CSMD1: variants seen among roughly 807,000 people sequenced by gnomAD.
CSMD1 encodes the protein CUB and sushi domain-containing protein 1.
A neutral mutation model predicts 417.5 loss-of-function variants in CSMD1; 213 were observed. The ratio of observed to expected loss-of-function variants is 0.51; its 90% CI spans 0.46 to 0.57. The LOEUF (loss-of-function observed/expected upper bound fraction) is 0.57. Ranked by LOEUF, CSMD1 falls within the 20% of genes least tolerant of loss-of-function variation. The pLI is 0.00. For synonymous variants in CSMD1, 2,862 were observed against 1,736.8 expected (o/e 1.65, Z -16.11); for missense variants, 6,923 against 4,529.7 (o/e 1.53, Z -15.17).
chr8:3,258,865 T>G (rs1160874714), intron 26 of CSMD1, among the ~76,000 whole-genome samples: 2 of 152,230 alleles, frequency 1.3e-5, no homozygotes, highest in African/African-American at 4.8e-5. Flanking sequence ...ACTGCATGTT[T>G]TCATTTATAA....
chr8:3,819,075 T>C (rs529301801), intron 5 of CSMD1, among the ~76,000 whole-genome samples: 7 of 152,294 alleles, frequency 4.6e-5, no homozygotes, highest in East Asian at 3.9e-4. Context: ...CACAGCTTCA[T>C]AGCTTAAGGC....
intron 5 of CSMD1, among the ~76,000 whole-genome samples, chr8:3,906,013 T>G (rs114165983): frequency 0.012 from 1,863 of 152,310 alleles, 42 homozygotes; most frequent in African/African-American, 0.042. Flanking sequence ...GGAGTTCTTT[T>G]TATTTTCCCC....
intron 1 of CSMD1, among the ~76,000 whole-genome samples, chr8:4,889,470 T>TA (rs1347655996): frequency 6.6e-6 from 1 of 152,110 alleles, no homozygotes; most frequent in Non-Finnish European, 1.5e-5. Context: ...GGCCATTTTT[T>TA]ATTAACATTA....
intron 1 of CSMD1, among the ~76,000 whole-genome samples, chr8:4,783,448 G>T (rs1221231840): frequency 6.6e-6 from 1 of 152,200 alleles, no homozygotes; most frequent in Admixed American, 6.5e-5. Context: ...TTGGTAATCT[G>T]CTGCCCTGGT....
chr8:4,218,436 T>G (rs1800817784), intron 3 of CSMD1, among the ~76,000 whole-genome samples: 1 of 152,230 alleles, frequency 6.6e-6, no homozygotes, highest in South Asian at 2.1e-4. Flanking sequence ...CCTACTTTTA[T>G]TCTGCCATGC....
intron 3 of CSMD1, among the ~76,000 whole-genome samples, chr8:4,364,420 C>G (rs1046918674): frequency 6.6e-6 from 1 of 152,132 alleles, no homozygotes; most frequent in East Asian, 1.9e-4. Flanking sequence ...CTAGTCCATA[C>G]AAGATTCATT....
intron 3 of CSMD1, among the ~76,000 whole-genome samples, chr8:4,350,374 T>C (rs570752212): frequency 1.2e-4 from 19 of 152,212 alleles, no homozygotes; most frequent in African/African-American, 1.7e-4. Context: ...AAAATCAAAA[T>C]AGTGTTATAA....
chr8:4,182,284 A>C (rs767649668), intron 3 of CSMD1, among the ~76,000 whole-genome samples: 17 of 152,156 alleles, frequency 1.1e-4, no homozygotes, highest in Non-Finnish European at 1.8e-4. Flanking sequence ...TTTGTTTAAA[A>C]GAGGGTAAAG....
At chr8:4,255,659 G>C (rs1236999147) in intron 3 of CSMD1, among the ~76,000 whole-genome samples, 2 of 152,126 alleles carry the variant, frequency 1.3e-5, no homozygotes, top group African/African-American at 4.8e-5. Flanking sequence ...TTTGGACTTT[G>C]CTAATATGTA....
At position 3,162,105 on chromosome 8, in the gene CSMD1, C is replaced by A. The variant is rs1039743314; in HGVS notation, c.5844+54G>T. ...AGTGAGGGCTTTGGCTTTAAGAGAGCTGCACAAAGATGACCATGTGTATGT... is the reference window on the plus strand; with the variant it reads ...AGTGAGGGCTTTGGCTTTAAGAGAGATGCACAAAGATGACCATGTGTATGT... On this transcript the variant is annotated intron_variant, in intron 38 of 69. Transcript: ENST00000635120. 10 of 1,160,692 alleles carry A rather than the reference C, an allele frequency of 8.6e-6. No homozygotes were observed. The East Asian group carries it at 1.8e-4, about 21-fold the overall frequency. 71.9% of individuals were successfully genotyped at this position (1,160,692 alleles called of 1,614,324 possible).
At chr8:4,375,621 G>T (rs1271705148) in intron 3 of CSMD1, among the ~76,000 whole-genome samples, 1 of 152,084 alleles carries the variant, frequency 6.6e-6, no homozygotes, top group African/African-American at 2.4e-5. Flanking sequence ...ACAGCCACGT[G>T]GAATTGTGGC....
At chr8:4,029,688 A>C (rs1797243051) in intron 4 of CSMD1, among the ~76,000 whole-genome samples, 1 of 152,138 alleles carries the variant, frequency 6.6e-6, no homozygotes, top group Non-Finnish European at 1.5e-5. Flanking sequence ...CTCACATTTC[A>C]AAACCAACCA....
chr8:4,948,593 C>A (rs990810084), intron 1 of CSMD1, among the ~76,000 whole-genome samples: 4 of 151,932 alleles, frequency 2.6e-5, no homozygotes, highest in African/African-American at 9.7e-5. Context: ...TTCTTATTTT[C>A]AATGGTGTCC....
intron 3 of CSMD1, among the ~76,000 whole-genome samples, chr8:4,205,902 T>C (rs1008811815): frequency 2.6e-5 from 4 of 152,182 alleles, no homozygotes; most frequent in Non-Finnish European, 5.9e-5. Flanking sequence ...AGAAAATCAG[T>C]ACCGAGTCCT....
intron 63 of CSMD1, among the ~76,000 whole-genome samples, chr8:2,956,611 G>A (rs996972713): frequency 2.0e-5 from 3 of 152,002 alleles, no homozygotes; most frequent in South Asian, 2.1e-4. Context: ...CCGCCACCAT[G>A]CCCGGCTAAT....
intron 3 of CSMD1, among the ~76,000 whole-genome samples, chr8:4,306,792 T>TC (rs1798271698): frequency 6.6e-6 from 1 of 151,876 alleles, no homozygotes; most frequent in African/African-American, 2.4e-5. Context: ...CCTTCTTTCT[T>TC]CCATTCTCCA....
chr8:3,594,193 G>A (rs531561049), intron 8 of CSMD1, among the ~76,000 whole-genome samples: 8 of 152,056 alleles, frequency 5.3e-5, no homozygotes, highest in African/African-American at 1.4e-4. Context: ...ATTTACGGCC[G>A]TCCCCAAATG....
intron 3 of CSMD1, among the ~76,000 whole-genome samples, chr8:4,348,022 G>A (rs1413428130): frequency 6.6e-6 from 1 of 152,012 alleles, no homozygotes; most frequent in Non-Finnish European, 1.5e-5. Context: ...TATGCATAAA[G>A]AGGAAAAAAA....
intron 2 of CSMD1, among the ~76,000 whole-genome samples, chr8:4,549,235 C>G (rs1294215040): frequency 6.6e-6 from 1 of 152,102 alleles, no homozygotes; most frequent in Non-Finnish European, 1.5e-5. Flanking sequence ...GTTATCAACC[C>G]TACCATATTC....
Sources: gnomAD v4.1 joint callset for allele counts (sites outside exome capture counted in the v4.1 genomes callset) on GRCh38, gnomAD v4.1.1 for gene constraint, MANE v1.5 for transcripts, NCBI Gene and HGNC (gene_info 2026-07-23, HGNC 2026-07-21) for gene names.